The following CLMP variants were observed in gnomAD, a reference collection of about 807,000 sequenced individuals.
CLMP encodes CXADR-like membrane protein.
Under a neutral mutation model 45.2 loss-of-function variants are expected in CLMP, and 27 were observed. The ratio of observed to expected loss-of-function variants is 0.60; its 90% CI spans 0.44 to 0.82. CLMP has a LOEUF of 0.82. CLMP is among the 40% of genes least tolerant of loss of function. The pLI, the probability that CLMP is intolerant of heterozygous loss-of-function variation, is 0.00. For missense variants in CLMP, 403 were observed against 448.4 expected (o/e 0.90, Z 0.91); for synonymous variants, 167 against 171.4 (o/e 0.97, Z 0.20).
At chr11:123,174,089 AT>A (rs1363761108) in intron 1 of CLMP, among the ~76,000 whole-genome samples, 3 of 152,162 alleles carry the variant, frequency 2.0e-5, no homozygotes, top group Non-Finnish European at 4.4e-5. Context: ...TTCAAAAAAA[AT>A]TTTTTTTAAT....
intron 1 of CLMP, among the ~76,000 whole-genome samples, chr11:123,140,812 C>G (rs1490333402): frequency 1.3e-5 from 2 of 151,986 alleles, no homozygotes; most frequent in African/African-American, 4.8e-5. Flanking sequence ...GATGTTTGGT[C>G]CCCTCCAAAT....
intron 1 of CLMP, among the ~76,000 whole-genome samples, chr11:123,167,576 C>A (rs957736661): frequency 6.6e-6 from 1 of 151,874 alleles, no homozygotes; most frequent in Non-Finnish European, 1.5e-5. Context: ...TGAGCCACCA[C>A]GCCCCGCCGA....
intron 1 of CLMP, among the ~76,000 whole-genome samples, chr11:123,101,642 G>A (rs888511520): frequency 1.3e-5 from 2 of 152,198 alleles, no homozygotes; most frequent in Admixed American, 6.5e-5. Flanking sequence ...ATATCAGTGG[G>A]AAAATTATAA....
chr11:123,115,383 C>A (rs1457445691), intron 1 of CLMP, among the ~76,000 whole-genome samples: 1 of 152,062 alleles, frequency 6.6e-6, no homozygotes. Context: ...TTTACTTAGA[C>A]TCCCATTTTT....
intron 1 of CLMP, among the ~76,000 whole-genome samples, chr11:123,161,987 T>G (rs955482474): frequency 1.4e-4 from 21 of 152,220 alleles, no homozygotes; most frequent in Non-Finnish European, 2.5e-4. Context: ...AGAACCTTGA[T>G]GTGGAGCTAG....
intron 1 of CLMP, among the ~76,000 whole-genome samples, chr11:123,145,458 T>G (rs1299934662): frequency 5.6e-5 from 5 of 89,696 alleles, no homozygotes; most frequent in Admixed American, 5.3e-4. Flanking sequence ...GGCTGTTTTT[T>G]TTTTTTTTTT....
intron 1 of CLMP, among the ~76,000 whole-genome samples, chr11:123,182,606 T>G (rs1411693784): frequency 6.6e-6 from 1 of 152,198 alleles, no homozygotes; most frequent in Admixed American, 6.5e-5. Context: ...TGCTTTACCC[T>G]CTGGGCGTTT....
chr11:123,070,944 T>C lies in CLMP; in HGVS notation c.*2530A>G, dbSNP rs1000848953. On this transcript the variant is annotated 3_prime_UTR_variant, in exon 7 of 7. Transcript: ENST00000448775. ...CCCAAGCATAAACTCCTGGGGACTT[T>C]ACAAGAATTTTGTTTTTTGCACTAT... 1 of 152,192 alleles carries C rather than the reference T, an allele frequency of 6.6e-6. No individual in the cohort carries two copies. Among genetic ancestry groups the C allele is most frequent in the African/African-American group, 2.4e-5 (1 of 41,450 alleles). 9.4% of individuals were successfully genotyped at this position (152,192 alleles called of 1,614,324 possible).
At chr11:123,087,634 A>G (rs1035506332) in intron 2 of CLMP, among the ~76,000 whole-genome samples, 4 of 151,996 alleles carry the variant, frequency 2.6e-5, no homozygotes, top group African/African-American at 9.7e-5. Flanking sequence ...CATCCTGGCC[A>G]ATATGGTGAA....
At chr11:123,123,284 G>A in intron 1 of CLMP, among the ~76,000 whole-genome samples, 1 of 117,590 alleles carries the variant, frequency 8.5e-6, no homozygotes, top group African/African-American at 3.5e-5. Context: ...TTTTAAGACA[G>A]AGTCTTGCTC....
At chr11:123,081,787 G>A (rs1387494357) in intron 5 of CLMP, among the ~76,000 whole-genome samples, 1 of 151,504 alleles carries the variant, frequency 6.6e-6, no homozygotes, top group East Asian at 1.9e-4. Flanking sequence ...GCTTGAACCC[G>A]GGAGGCAGAG....
intron 1 of CLMP, among the ~76,000 whole-genome samples, chr11:123,139,687 A>G (rs1385623513): frequency 6.6e-6 from 1 of 152,136 alleles, no homozygotes; most frequent in African/African-American, 2.4e-5. Context: ...ATGGTGGCGC[A>G]TGCCTGTAGT....
rs779079252 is a variant in CLMP, at chr11:123,195,156, G to C, written c.-216C>G. The C allele has an allele frequency of 2.4e-5, 7 of 296,882 alleles. No homozygotes were observed. Among genetic ancestry groups the C allele is most frequent in the Non-Finnish European group, 4.3e-5 (7 of 163,146 alleles). 18.4% of individuals were successfully genotyped at this position (296,882 alleles called of 1,614,324 possible). ...CGCCCCACCAGCTGGCGCCCGGACG[G>C]GAGCCGGGACCAGGGTCAGGGAGGA... On this transcript the variant is annotated 5_prime_UTR_variant, in exon 1 of 7. Transcript: ENST00000448775.
At chr11:123,167,348 C>T (rs1280154881) in intron 1 of CLMP, among the ~76,000 whole-genome samples, 5 of 152,158 alleles carry the variant, frequency 3.3e-5, no homozygotes, top group Admixed American at 6.5e-5. Flanking sequence ...CGCAGTGGCA[C>T]GATCTTGGCT....
chr11:123,156,185 C>T (rs1328090544), intron 1 of CLMP, among the ~76,000 whole-genome samples: 1 of 152,224 alleles, frequency 6.6e-6, no homozygotes, highest in East Asian at 1.9e-4. Context: ...GAGGAAAGGC[C>T]GTGTGAGGAT....
chr11:123,103,689 T>G (rs1860485190), intron 1 of CLMP, among the ~76,000 whole-genome samples: 1 of 152,160 alleles, frequency 6.6e-6, no homozygotes, highest in South Asian at 2.1e-4. Flanking sequence ...CTTCTCCTTC[T>G]GTCCCTTTTT....
chr11:123,083,306 A>T, intron 4 of CLMP, 99 bp from the exon 5 acceptor site: 1 of 1,141,010 alleles, frequency 8.8e-7, no homozygotes, highest in Non-Finnish European at 1.3e-6. Context: ...CCGTAATGCT[A>T]TTTGATAAGA....
intron 2 of CLMP, among the ~76,000 whole-genome samples, chr11:123,096,672 G>T (rs1298152103): frequency 6.6e-6 from 1 of 152,168 alleles, no homozygotes; most frequent in Non-Finnish European, 1.5e-5. Context: ...AGCTATTTAA[G>T]CAAGTTACAC....
rs1306154189 is a variant in CLMP, at chr11:123,073,732, G to A, written c.864C>T (p.Ser288=). 3 of 1,611,312 alleles carry A rather than the reference G, an allele frequency of 1.9e-6. No individual in the cohort carries two copies. The African/African-American group carries it at 4.0e-5, about 22-fold the overall frequency. ...AGCTCCGAGAGCCTGAGGAAGAGGAGCTGGGTTTCACAAGACGGGCTTTTG... is the reference window on the plus strand; with the variant it reads ...AGCTCCGAGAGCCTGAGGAAGAGGAACTGGGTTTCACAAGACGGGCTTTTG... ...EAPKARLVKP[S]SSSSGSRSSR... is the part of the protein sequence containing the mutation. Residue 288 remains serine, a synonymous_variant, in exon 7 of 7, where the codon AGC becomes AGT. Coordinates refer to ENST00000448775, the MANE Select transcript of CLMP (RefSeq NM_024769.5).
Sources: gnomAD v4.1 joint callset for allele counts (sites outside exome capture counted in the v4.1 genomes callset) on GRCh38, gnomAD v4.1.1 for gene constraint, MANE v1.5 for transcripts, NCBI Gene and HGNC (gene_info 2026-07-23, HGNC 2026-07-21) for gene names.